SNX14: variants seen among roughly 807,000 people sequenced by gnomAD.
SNX14 encodes the protein sorting nexin 14, also known as sorting nexin-14.
SNX14 carries 93 observed loss-of-function variants against 133.8 expected under a neutral mutation model. The observed-to-expected ratio is 0.70, with a 90% CI of 0.59 to 0.83. SNX14 has a LOEUF of 0.83. Among genes scored for constraint, SNX14 ranks in the 40% least tolerant of loss-of-function variants. SNX14 has a pLI of 0.00. For missense variants in SNX14, 945 were observed against 1,094.9 expected (o/e 0.86, Z 1.93); for synonymous variants, 368 against 365.6 (o/e 1.01, Z -0.07).
chr6:85,530,939 A>G (rs192754957), intron 18 of SNX14, among the ~76,000 whole-genome samples: 141 of 152,298 alleles, frequency 9.3e-4, no homozygotes, highest in Non-Finnish European at 1.8e-3. Context: ...GGTTTCTCAA[A>G]TATTTACCAT....
At chr6:85,575,865 TATGCATGAAA>T (rs1797160179) in intron 1 of SNX14, among the ~76,000 whole-genome samples, 1 of 152,216 alleles carries the variant, frequency 6.6e-6, no homozygotes. Flanking sequence ...GTAATTCACC[TATGCATGAAA>T]AAGATATTCG....
chr6:85,533,184 G>A (rs1362948372), intron 18 of SNX14, among the ~76,000 whole-genome samples: 7 of 152,182 alleles, frequency 4.6e-5, no homozygotes, highest in Non-Finnish European at 8.8e-5. Context: ...ACCATGCCTG[G>A]CCATATTTTC....
At chr6:85,528,960 G>A (rs965858851) in intron 19 of SNX14, among the ~76,000 whole-genome samples, 4 of 151,830 alleles carry the variant, frequency 2.6e-5, no homozygotes, top group African/African-American at 7.3e-5. Flanking sequence ...GCTGAGGCAG[G>A]AGAATCGCTG....
At chr6:85,581,815 C>A (rs1308259553) in intron 1 of SNX14, 1 of 151,890 alleles carries the variant, frequency 6.6e-6, no homozygotes, top group Non-Finnish European at 1.5e-5. Flanking sequence ...GACAAAAGAA[C>A]AAAATAACAA....
chr6:85,576,949 A>T (rs890666937), intron 1 of SNX14, among the ~76,000 whole-genome samples: 3 of 152,246 alleles, frequency 2.0e-5, no homozygotes, highest in African/African-American at 7.2e-5. Flanking sequence ...TGGATGAAAT[A>T]TGGAGAATGG....
At chr6:85,564,747 T>C (rs1189658556) in intron 6 of SNX14, among the ~76,000 whole-genome samples, 1 of 152,024 alleles carries the variant, frequency 6.6e-6, no homozygotes, top group Non-Finnish European at 1.5e-5. Flanking sequence ...CCTAGCACTT[T>C]GGGAGGAAGA....
intron 5 of SNX14, among the ~76,000 whole-genome samples, chr6:85,565,629 T>A (rs1445997673): frequency 1.3e-5 from 2 of 152,194 alleles, no homozygotes; most frequent in Non-Finnish European, 2.9e-5. Context: ...ATAATCACTA[T>A]TAACTAAATT....
chr6:85,509,353 A>G (rs1403184880), intron 26 of SNX14, among the ~76,000 whole-genome samples: 1 of 152,164 alleles, frequency 6.6e-6, no homozygotes, highest in Non-Finnish European at 1.5e-5. Flanking sequence ...AAATTATTTC[A>G]TCATTTGCCT....
chr6:85,555,090 G>T (rs2128126702), intron 7 of SNX14, among the ~76,000 whole-genome samples: 1 of 152,208 alleles, frequency 6.6e-6, no homozygotes, highest in African/African-American at 2.4e-5. Context: ...CCGAAGTGCT[G>T]GGATTACCAA....
chr6:85,515,273 A>AAAC (rs1774513350), intron 23 of SNX14, among the ~76,000 whole-genome samples: 1 of 143,084 alleles, frequency 7.0e-6, no homozygotes. Context: ...AAAAAAAAAA[A>AAAC]AAAAAAAAAA....
At chr6:85,543,139 T>G (rs1784326836) in intron 14 of SNX14, 43 bp downstream of exon 14, 1 of 1,445,708 alleles carries the variant, frequency 6.9e-7, no homozygotes, top group Non-Finnish European at 9.2e-7. Context: ...TACTATTAAA[T>G]TATGTATAAA....
intron 21 of SNX14, among the ~76,000 whole-genome samples, chr6:85,520,191 C>T (rs764925115): frequency 2.3e-4 from 35 of 151,292 alleles, no homozygotes; most frequent in Non-Finnish European, 4.7e-4. Context: ...TATAGGTGCA[C>T]GCCACCACGC....
chr6:85,562,953 T>C (rs1423871613), intron 6 of SNX14, among the ~76,000 whole-genome samples: 3 of 152,146 alleles, frequency 2.0e-5, no homozygotes. Context: ...ACTATACCAA[T>C]TTGAATTTGA....
intron 6 of SNX14, among the ~76,000 whole-genome samples, chr6:85,562,268 C>T (rs1791903596): frequency 6.6e-6 from 1 of 152,092 alleles, no homozygotes; most frequent in African/African-American, 2.4e-5. Context: ...GATTCCATGT[C>T]TACAATTTAT....
intron 21 of SNX14, 34 bp from the exon 22 acceptor site, chr6:85,518,082 G>T: frequency 1.3e-6 from 2 of 1,540,090 alleles, no homozygotes; most frequent in Non-Finnish European, 1.8e-6. Context: ...TTTTAGGAAG[G>T]CATAAAACTC....
chr6:85,574,132 G>C, intron 2 of SNX14, 126 bp downstream of exon 2: 1 of 533,912 alleles, frequency 1.9e-6, no homozygotes, highest in Non-Finnish European at 2.7e-6. Context: ...AAAAAAAAAA[G>C]AGAAGAAATT....
chr6:85,532,565 T>C (rs1053739780), intron 18 of SNX14, among the ~76,000 whole-genome samples: 1 of 152,208 alleles, frequency 6.6e-6, no homozygotes, highest in Non-Finnish European at 1.5e-5. Context: ...TTTCTAACAT[T>C]GCCACTTTTT....
Position 85,561,749 on chromosome 6 carries a change from T to C in SNX14, c.549+3583A>G, listed in dbSNP as rs1180468490. Among the ~76,000 whole-genome samples the C allele has an allele frequency of 2.0e-5, 3 of 152,188 alleles. No homozygotes were observed. In the South Asian group the frequency reaches 6.2e-4, roughly 32 times the overall value. On this transcript the variant is annotated intron_variant, in intron 6 of 28. Coordinates refer to ENST00000314673, the MANE Select transcript of SNX14 (RefSeq NM_153816.6). ...ATATATGTATTAGCAAGCTTTAATATATGAACTTTGTTTTCAAAGTAGAAA... is the reference window on the plus strand; with the variant it reads ...ATATATGTATTAGCAAGCTTTAATACATGAACTTTGTTTTCAAAGTAGAAA...
chr6:85,538,936 T>A, intron 15 of SNX14, 72 bp from the exon 16 acceptor site: 1 of 1,337,202 alleles, frequency 7.5e-7, no homozygotes. Flanking sequence ...ATAAACTTCA[T>A]TTTAGAACAC....
Sources: allele counts gnomAD v4.1 joint callset (sites outside exome capture counted in the v4.1 genomes callset), GRCh38; gene constraint gnomAD v4.1.1; transcripts MANE v1.5; gene names NCBI Gene and HGNC (gene_info 2026-07-23, HGNC 2026-07-21).